Variants in SCML2 observed in about 807,000 individuals in gnomAD.
The protein encoded by SCML2 is sex comb on midleg-like protein 2.
Under a neutral mutation model 48.4 loss-of-function variants are expected in SCML2, and 6 were observed. The observed-to-expected ratio is 0.12, with a 90% CI of 0.07 to 0.24. SCML2 has a LOEUF of 0.24. SCML2 is among the 10% of genes least tolerant of loss of function. SCML2 has a pLI of 1.00. For missense variants in SCML2, 377 were observed against 528.2 expected, an observed-to-expected ratio of 0.71 and a Z score of 2.81; for synonymous variants, 181 against 189.5, an observed-to-expected ratio of 0.95 and a Z score of 0.37.
rs1360734884 is a variant in SCML2, at chrX:18,260,213, T to C, written c.1027A>G (p.Lys343Glu). Residue 343 changes from lysine (K) to glutamate (E), a missense_variant, in exon 9 of 15, where the codon AAA (lysine) becomes GAA (glutamate). Physicochemically the swap from Lys to Glu is moderately conservative, Grantham distance 56. This residue lies in a region of SCML2 where 299 missense variants were observed against 425.5 expected (regional missense o/e 0.70). Transcript: ENST00000251900. ...SLTRDRGMLYKDVASGPCKIV... is the reference protein window; with the variant it reads ...SLTRDRGMLYEDVASGPCKIV... ...TTACATGGCCCAGAAGCGACATCTT[T>C]ATATAACATGCCACGGTCTCTGGTC... 2 of 1,200,571 alleles carry C rather than the reference T, an allele frequency of 1.7e-6. No homozygotes were observed. The highest frequency in any genetic ancestry group is 2.3e-6 in the Non-Finnish European group (2 of 888,174).
At position 18,323,897 on chromosome X, in the gene SCML2, G is replaced by A; in HGVS notation, c.359C>T (p.Thr120Ile). The change falls in exon 5 of 15, where the codon ACA (threonine) becomes ATA (isoleucine). Residue 120 changes from threonine to isoleucine, a missense_variant. Physicochemically the swap from Thr to Ile is moderately conservative, Grantham distance 89. Transcript: ENST00000251900. Reference protein sequence around the residue: ...VDSPDIQPVGTCEKEGDLLQP... With the variant: ...VDSPDIQPVGICEKEGDLLQP... ...AAGTAAGTCTCCTTCCTTTTCACAT[G>A]TCCCAACAGGTTGTATGTCTGGGGA... The A allele has an allele frequency of 8.3e-7, 1 of 1,209,974 alleles. No homozygotes were observed. Among genetic ancestry groups the A allele is most frequent in the Non-Finnish European group, 1.1e-6 (1 of 894,118 alleles).
intron 1 of SCML2, among the ~76,000 whole-genome samples, chrX:18,335,258 C>T (rs749683987): frequency 8.9e-6 from 1 of 111,763 alleles, no homozygotes; most frequent in African/African-American, 3.2e-5. Flanking sequence ...AATCCCAGCA[C>T]TTTGGGAAGC....
intron 1 of SCML2, among the ~76,000 whole-genome samples, chrX:18,345,593 T>C (rs941851401): frequency 9.0e-6 from 1 of 111,119 alleles, no homozygotes; most frequent in African/African-American, 3.3e-5. Context: ...AGTTTTTCCA[T>C]GTTGCCCAGG....
intron 7 of SCML2, among the ~76,000 whole-genome samples, chrX:18,275,545 T>A (rs999131213): frequency 8.9e-6 from 1 of 112,643 alleles, no homozygotes; most frequent in African/African-American, 3.2e-5. Flanking sequence ...TATATCTATC[T>A]GTCCCACCAC....
chrX:18,270,872 G>A (rs1927434810), intron 7 of SCML2, among the ~76,000 whole-genome samples: 1 of 111,134 alleles, frequency 9.0e-6, no homozygotes. Context: ...AAATCTTTTT[G>A]AAAAAGTTAT....
At chrX:18,319,882 A>T (rs1382337068) in intron 6 of SCML2, among the ~76,000 whole-genome samples, 1 of 111,381 alleles carries the variant, frequency 9.0e-6, no homozygotes, top group Non-Finnish European at 1.9e-5. Flanking sequence ...ATGTGCATGG[A>T]TAGAGAAAAG....
intron 7 of SCML2, among the ~76,000 whole-genome samples, chrX:18,270,147 C>T (rs764397458): frequency 3.7e-5 from 4 of 107,162 alleles, no homozygotes; most frequent in African/African-American, 1.0e-4. Context: ...CCTGCTTTAG[C>T]CTCCCAAGTA....
At chrX:18,259,154 C>G (rs1171334390) in intron 9 of SCML2, among the ~76,000 whole-genome samples, 2 of 109,431 alleles carry the variant, frequency 1.8e-5, no homozygotes, top group African/African-American at 6.7e-5. Flanking sequence ...GTCCCAGATA[C>G]TTGGGAGGCG....
At chrX:18,262,667 T>C (rs1320486549) in intron 8 of SCML2, among the ~76,000 whole-genome samples, 6 of 107,363 alleles carry the variant, frequency 5.6e-5, no homozygotes, top group Non-Finnish European at 1.1e-4. Context: ...TGCCTGTTTT[T>C]GATTTGTCTC....
intron 6 of SCML2, among the ~76,000 whole-genome samples, chrX:18,309,591 T>C (rs1263110297): frequency 3.6e-5 from 4 of 112,042 alleles, no homozygotes; most frequent in African/African-American, 1.3e-4. Flanking sequence ...TGGAATACTA[T>C]GCAGCCATAA....
At chrX:18,318,304 G>C (rs1417255448) in intron 6 of SCML2, among the ~76,000 whole-genome samples, 2 of 112,705 alleles carry the variant, frequency 1.8e-5, no homozygotes, top group African/African-American at 6.4e-5. Context: ...CATAGTAATT[G>C]ATGTTTCACA....
At chrX:18,310,360 G>T (rs1213258254) in intron 6 of SCML2, among the ~76,000 whole-genome samples, 3 of 102,831 alleles carry the variant, frequency 2.9e-5, no homozygotes, top group African/African-American at 1.1e-4. Flanking sequence ...CCACCTCCTG[G>T]GTTCAAGCAA....
At chrX:18,247,932 A>G in intron 11 of SCML2, 50 bp from the exon 12 acceptor site, 4 of 854,161 alleles carry the variant, frequency 4.7e-6, no homozygotes, top group Non-Finnish European at 6.9e-6. Flanking sequence ...TAATATACTC[A>G]AGCATTTTCA....
At chrX:18,274,704 C>T (rs1927571684) in intron 7 of SCML2, among the ~76,000 whole-genome samples, 2 of 111,128 alleles carry the variant, frequency 1.8e-5, no homozygotes, top group Non-Finnish European at 3.8e-5. Flanking sequence ...TCTGTGTAAA[C>T]CAAAAAATAA....
At chrX:18,243,823 G>C (rs1409103150) in intron 13 of SCML2, among the ~76,000 whole-genome samples, 1 of 111,971 alleles carries the variant, frequency 8.9e-6, no homozygotes, top group Admixed American at 9.5e-5. Context: ...CCTAAAGTTA[G>C]TGTGGATAAC....
At chrX:18,278,973 C>T (rs757615353) in intron 7 of SCML2, among the ~76,000 whole-genome samples, 1 of 112,714 alleles carries the variant, frequency 8.9e-6, no homozygotes, top group East Asian at 2.8e-4. Context: ...CTCGGAGGGC[C>T]GGTCCAGAAG....
intron 1 of SCML2, among the ~76,000 whole-genome samples, chrX:18,353,134 G>GAAAAAAAA (rs149576101): frequency 5.4e-5 from 3 of 55,955 alleles, no homozygotes; most frequent in Non-Finnish European, 7.0e-5. Flanking sequence ...CCATTAAATA[G>GAAAAAAAA]AAAAAAAAAA....
intron 8 of SCML2, among the ~76,000 whole-genome samples, chrX:18,264,171 T>G (rs143631796): frequency 5.4e-5 from 6 of 111,643 alleles, no homozygotes; most frequent in Non-Finnish European, 9.4e-5. Context: ...TTACATTGTA[T>G]TGGACCTTTG....
chrX:18,309,919 C>A (rs1928892249), intron 6 of SCML2, among the ~76,000 whole-genome samples: 1 of 110,899 alleles, frequency 9.0e-6, no homozygotes, highest in Admixed American at 9.6e-5. Context: ...CCCCATGTAC[C>A]TAAAATAAAA....
Sources: gnomAD v4.1 joint callset for allele counts (sites outside exome capture counted in the v4.1 genomes callset) on GRCh38, gnomAD v4.1.1 for gene constraint, gnomAD v4.1.1 regional missense constraint, MANE v1.5 for transcripts, NCBI Gene and HGNC (gene_info 2026-07-23, HGNC 2026-07-21) for gene names.